CACNA1C: variants seen among roughly 807,000 people sequenced by gnomAD.
The protein encoded by CACNA1C is voltage-dependent L-type calcium channel subunit alpha-1C.
CACNA1C carries 30 observed loss-of-function variants against 229.0 expected under a neutral mutation model. The observed-to-expected ratio is 0.13, with a 90% CI of 0.10 to 0.18. The LOEUF is 0.18. Among genes scored for constraint, CACNA1C ranks in the 10% least tolerant of loss-of-function variants. The pLI, the probability that CACNA1C is intolerant of heterozygous loss-of-function variation, is 1.00. For synonymous variants in CACNA1C, 1,114 were observed against 1,132.5 expected (o/e 0.98, Z 0.33); for missense variants, 1,658 against 2,845.0 (o/e 0.58, Z 9.49).
At chr12:2,682,190 G>C in intron 42 of CACNA1C, 1 of 620,792 alleles carries the variant, frequency 1.6e-6, no homozygotes, top group South Asian at 2.0e-5. Context: ...GGTGAGTGGG[G>C]GGCAGCCTCT....
chr12:2,187,984 C>G (rs1222496195), intron 3 of CACNA1C, among the ~76,000 whole-genome samples: 1 of 152,196 alleles, frequency 6.6e-6, no homozygotes, highest in African/African-American at 2.4e-5. Context: ...AGCTGCCTTT[C>G]CCCGAAGCCC....
At chr12:2,429,860 A>G (rs2099066226) in intron 3 of CACNA1C, among the ~76,000 whole-genome samples, 1 of 152,188 alleles carries the variant, frequency 6.6e-6, no homozygotes, top group African/African-American at 2.4e-5. Context: ...AGTTCAGGCC[A>G]ATTGTGGTGA....
intron 9 of CACNA1C, among the ~76,000 whole-genome samples, chr12:2,518,594 C>T (rs929133791): frequency 6.6e-6 from 1 of 150,734 alleles, no homozygotes; most frequent in Non-Finnish European, 1.5e-5. Context: ...GGCGACAGAG[C>T]CAGACGCTGT....
At chr12:2,384,241 G>A (rs372481964) in intron 3 of CACNA1C, among the ~76,000 whole-genome samples, 7 of 152,198 alleles carry the variant, frequency 4.6e-5, no homozygotes, top group Admixed American at 1.3e-4. Flanking sequence ...CTTTGTGTAA[G>A]AGTTCTTCAT....
intron 45 of CACNA1C, 70 bp downstream of exon 45, chr12:2,686,339 A>G: frequency 8.4e-7 from 1 of 1,185,132 alleles, no homozygotes; most frequent in South Asian, 1.2e-5. Flanking sequence ...GTGACGGACA[A>G]ATCCTGAAGA....
chr12:2,417,931 T>G (rs1289873648), intron 3 of CACNA1C, among the ~76,000 whole-genome samples: 2 of 151,952 alleles, frequency 1.3e-5, no homozygotes, highest in Non-Finnish European at 1.5e-5. Flanking sequence ...CAAATACCTG[T>G]GCGGGGCCTC....
At chr12:2,234,634 G>A (rs1450314911) in intron 3 of CACNA1C, among the ~76,000 whole-genome samples, 2 of 152,102 alleles carry the variant, frequency 1.3e-5, no homozygotes, top group East Asian at 3.9e-4. Flanking sequence ...CCATTTTTAT[G>A]TTGGTGTTTT....
chr12:2,375,018 C>T (rs546457625), intron 3 of CACNA1C, among the ~76,000 whole-genome samples: 1 of 152,298 alleles, frequency 6.6e-6, no homozygotes, highest in African/African-American at 2.4e-5. Flanking sequence ...TTCATCTTTA[C>T]AAAAGCTTTC....
intron 3 of CACNA1C, among the ~76,000 whole-genome samples, chr12:2,313,316 A>C (rs2095530798): frequency 6.6e-6 from 1 of 152,206 alleles, no homozygotes; most frequent in Non-Finnish European, 1.5e-5. Flanking sequence ...GAGATGGTCA[A>C]GGTCATCCCT....
intron 10 of CACNA1C, among the ~76,000 whole-genome samples, chr12:2,552,240 C>G (rs1301227284): frequency 6.6e-6 from 1 of 152,222 alleles, no homozygotes; most frequent in African/African-American, 2.4e-5. Flanking sequence ...TGGTGACACA[C>G]AACAGGGAGG....
chr12:2,667,670 G>A (rs2096279618), intron 37 of CACNA1C, among the ~76,000 whole-genome samples: 1 of 152,148 alleles, frequency 6.6e-6, no homozygotes, highest in Admixed American at 6.5e-5. Flanking sequence ...GCCTGGAGGG[G>A]GCTAAAGTGC....
chr12:2,177,763 A>G (rs1440344364), intron 3 of CACNA1C, among the ~76,000 whole-genome samples: 1 of 151,950 alleles, frequency 6.6e-6, no homozygotes, highest in East Asian at 1.9e-4. Context: ...CTGCCTCCCA[A>G]GTAGCTGGGA....
chr12:2,161,832 A>G (rs1037897847), intron 3 of CACNA1C, among the ~76,000 whole-genome samples: 2 of 152,156 alleles, frequency 1.3e-5, no homozygotes, highest in South Asian at 2.1e-4. Flanking sequence ...CTGGTGCCTC[A>G]GGGGGCAGAA....
intron 25 of CACNA1C, 58 bp downstream of exon 25, chr12:2,606,721 G>A (rs2153431639): frequency 6.8e-7 from 1 of 1,468,950 alleles, no homozygotes; most frequent in Non-Finnish European, 9.4e-7. Flanking sequence ...GGAGGCTGGA[G>A]GCTTGACCAG....
At chr12:2,209,422 A>G (rs1264930800) in intron 3 of CACNA1C, among the ~76,000 whole-genome samples, 1 of 152,060 alleles carries the variant, frequency 6.6e-6, no homozygotes, top group Admixed American at 6.5e-5. Context: ...TGGCTCTCTG[A>G]AGACAAATGG....
At chr12:2,004,762 C>T (rs116529391) in intron 1 of CACNA1C, 4 of 314,018 alleles carry the variant, frequency 1.3e-5, no homozygotes, top group Admixed American at 9.7e-5. Context: ...TGGATGTGTT[C>T]GACCCCTTGG....
rs974335765 is a variant in CACNA1C at position 1,971,339 on chromosome 12, C to T, written c.139+138C>T. 3.7e-5 allele frequency: 16 copies of T among 431,168 alleles called. No homozygotes were observed. In the Admixed American group the frequency reaches 4.4e-4, roughly 12 times the overall value. The allele number at this position is 431,168 out of a possible 1,614,324, so 26.7% of individuals were successfully genotyped here. ...TATTTAATCAGGATTTACCACACACCGTTGTAAAATTTTGCCTGTAACTGC... is the reference window on the plus strand; with the variant it reads ...TATTTAATCAGGATTTACCACACACTGTTGTAAAATTTTGCCTGTAACTGC... On this transcript the variant is annotated intron_variant, in intron 1 of 46. Transcript: ENST00000682462. This position sits in a 1 kb window ranked among gnomAD's most constrained non-coding sequence, Gnocchi z 4.2.
Position 2,504,118 on chromosome 12 carries a change from G to A in CACNA1C, c.1114-724G>A, listed in dbSNP as rs1042835216. Among the ~76,000 whole-genome samples the A allele has an allele frequency of 2.0e-5, 3 of 152,246 alleles. No individual in the cohort carries two copies. The highest frequency in any genetic ancestry group is 4.4e-5 in the Non-Finnish European group (3 of 68,042). ...GTGAGTTAAACCATCCCATGCTGAA[G>A]AAATTATTTTTTGAGGTGACCCATT... On this transcript the variant is annotated intron_variant, in intron 7 of 46. Coordinates refer to ENST00000399655, the MANE Select transcript of CACNA1C (RefSeq NM_000719.7). This position sits in a 1 kb window ranked among gnomAD's most constrained non-coding sequence, Gnocchi z 6.8.
Position 2,621,434 on chromosome 12 carries a change from A to G in CACNA1C, c.3828+9421A>G, listed in dbSNP as rs534210443. 3.9e-5 allele frequency among the ~76,000 whole-genome samples: 6 copies of G among 152,344 alleles called. No individual in the cohort carries two copies. The East Asian group carries it at 1.2e-3, about 29-fold the overall frequency. ...CTCTGGAAACTGAGAGTGGCGCGTG[A>G]AAAGGACTGTGCCAGAGCGCACAGG... On this transcript the variant is annotated intron_variant, in intron 29 of 46. Transcript: ENST00000399655.
Sources: gnomAD v4.1 joint callset for allele counts (sites outside exome capture counted in the v4.1 genomes callset) on GRCh38, gnomAD v4.1.1 for gene constraint, Gnocchi (gnomAD v3.1) non-coding constraint, MANE v1.5 for transcripts, NCBI Gene and HGNC (gene_info 2026-07-23, HGNC 2026-07-21) for gene names.